The following EPS15L1 variants were observed in gnomAD, a reference collection of about 807,000 sequenced individuals.
EPS15L1 encodes epidermal growth factor receptor pathway substrate 15 like 1.
A neutral mutation model predicts 117.1 loss-of-function variants in EPS15L1; 43 were observed. The observed-to-expected ratio is 0.37, with a 90% confidence interval of 0.29 to 0.47. The LOEUF (loss-of-function observed/expected upper bound fraction) is 0.47, where lower values mean the gene tolerates loss of function less well. Ranked by LOEUF, EPS15L1 falls within the 20% of genes least tolerant of loss-of-function variation. The pLI, the probability that EPS15L1 is intolerant of heterozygous loss-of-function variation, is 0.99. For synonymous variants in EPS15L1, 459 were observed against 470.5 expected (o/e 0.98, Z 0.32); for missense variants, 981 against 1,164.0 (o/e 0.84, Z 2.29).
chr19:16,453,287 T>A (rs2093164001), intron 1 of EPS15L1, among the ~76,000 whole-genome samples: 1 of 152,154 alleles, frequency 6.6e-6, no homozygotes, highest in Admixed American at 6.5e-5. Flanking sequence ...TTATTTTTTG[T>A]AGAGACGGGG....
chr19:16,393,995 G>A lies in EPS15L1; in HGVS notation c.1922C>T (p.Pro641Leu), dbSNP rs371696682. 154 of 1,614,066 alleles carry A rather than the reference G, an allele frequency of 9.5e-5. No homozygotes were observed. In the South Asian group the frequency reaches 1.1e-3, roughly 12 times the overall value. ...FKGADPFKGD[P>L]FQNDPFAEQQ... is the part of the protein sequence containing the mutation. Reference sequence around the variant, plus strand: ...TTCTGCAAAGGGGTCATTCTGGAACGGGTCGCCTGGTTGGAAGAGGAGAGA... The same window carrying A: ...TTCTGCAAAGGGGTCATTCTGGAACAGGTCGCCTGGTTGGAAGAGGAGAGA... Residue 641 changes from proline to leucine, a missense_variant, in exon 18 of 24, where the codon CCG (proline) becomes CTG (leucine). Physicochemically the swap from Pro to Leu is moderately conservative, Grantham distance 98. Coordinates refer to ENST00000455140, the MANE Select transcript of EPS15L1 (RefSeq NM_001258374.3).
chr19:16,464,430 C>T lies in EPS15L1; in HGVS notation c.33+7483G>A, dbSNP rs183435874. Among the ~76,000 whole-genome samples the T allele has an allele frequency of 1.4e-3, 217 of 152,344 alleles. 2 individuals are homozygous for T. The highest frequency in any genetic ancestry group is 7.7e-3 in the South Asian group (37 of 4,830). On this transcript the variant is annotated intron_variant, in intron 1 of 23. Transcript: ENST00000455140. The stretch of plus-strand genomic sequence containing the variant: ...CCCCACCAGCCACTGGCCACTCTCT[C>T]GGCAAGCAGACATCCTGTCAGTTCG...
In EPS15L1 at chr19:16,395,462, A is replaced by C; in HGVS notation, c.1797T>G (p.Asp599Glu). Reference protein sequence around the residue: ...AERGSFGAMDDPFKNKALLFS... With the variant: ...AERGSFGAMDEPFKNKALLFS... ...ATAACAAGGCTTTATTTTTGAAAGG[A>C]TCATCCTACAATTTTGTGAAGAAAC... is the stretch of plus-strand genomic sequence containing the variant. Residue 599 changes from aspartate to glutamate, a missense_variant, in exon 17 of 24, where the codon GAT becomes GAG. By Grantham distance (45) the Asp-to-Glu change is conservative. Coordinates refer to ENST00000455140, the MANE Select transcript of EPS15L1 (RefSeq NM_001258374.3). The C allele has an allele frequency of 6.2e-7, 1 of 1,613,502 alleles. No homozygotes were observed. Among genetic ancestry groups the C allele is most frequent in the South Asian group, 1.1e-5 (1 of 91,044 alleles).
intron 1 of EPS15L1, among the ~76,000 whole-genome samples, chr19:16,445,108 C>T (rs1405019601): frequency 1.3e-5 from 2 of 152,094 alleles, no homozygotes; most frequent in Non-Finnish European, 2.9e-5. Context: ...GAGTTTCAGT[C>T]TTTGAGGCAT....
chr19:16,469,081 G>C (rs1438522560), intron 1 of EPS15L1, among the ~76,000 whole-genome samples: 1 of 152,138 alleles, frequency 6.6e-6, no homozygotes, highest in Non-Finnish European at 1.5e-5. Context: ...TGGGCAAGTA[G>C]GAAGTAGAAT....
chr19:16,440,151 G>A (rs907230361), intron 4 of EPS15L1, among the ~76,000 whole-genome samples: 1 of 151,858 alleles, frequency 6.6e-6, no homozygotes, highest in African/African-American at 2.4e-5. Context: ...ACACCAATGT[G>A]GCTGGGCGTG....
In EPS15L1 at chr19:16,433,273, G is replaced by A. The variant is rs185544436; in HGVS notation, c.498+1092C>T. ...CTCCCAAGTGTCTGGGATTACAGGC[G>A]AACACCACCACACCTGGCTAATTTT... On this transcript the variant is annotated intron_variant, in intron 7 of 23. Coordinates refer to ENST00000455140, the MANE Select transcript of EPS15L1 (RefSeq NM_001258374.3). Among the ~76,000 whole-genome samples the A allele has an allele frequency of 2.3e-3, 348 of 150,822 alleles. 2 individuals are homozygous for A. Among genetic ancestry groups the A allele is most frequent in the African/African-American group, 8.3e-3 (339 of 41,066 alleles).
chr19:16,417,749 T>G, intron 11 of EPS15L1, 112 bp from the exon 12 acceptor site: 1 of 1,148,452 alleles, frequency 8.7e-7, no homozygotes, highest in Non-Finnish European at 1.3e-6. Flanking sequence ...GTACACAGGG[T>G]GAGGTAGCAA....
At chr19:16,416,641 TAA>T (rs765054072) in intron 12 of EPS15L1, among the ~76,000 whole-genome samples, 42 of 128,348 alleles carry the variant, frequency 3.3e-4, no homozygotes, top group African/African-American at 3.7e-4. Flanking sequence ...TGTCTCAAAT[TAA>T]AAAAAAAAAA....
At chr19:16,375,468 G>GTA (rs2092283766) in intron 22 of EPS15L1, among the ~76,000 whole-genome samples, 1 of 11,256 alleles carries the variant, frequency 8.9e-5, no homozygotes. Context: ...ATGCATATAT[G>GTA]TGTGTGTGTG....
At chr19:16,364,516 C>T (rs1321038522) in intron 22 of EPS15L1, among the ~76,000 whole-genome samples, 2 of 152,200 alleles carry the variant, frequency 1.3e-5, no homozygotes, top group African/African-American at 2.4e-5. Context: ...TGGCCCAGCC[C>T]GCAGACCCCG....
chr19:16,450,064 A>G (rs536277315), intron 1 of EPS15L1, among the ~76,000 whole-genome samples: 43 of 151,126 alleles, frequency 2.8e-4, no homozygotes, highest in African/African-American at 1.0e-3. Context: ...GTACCTGGCT[A>G]TCAACAAGAC....
intron 13 of EPS15L1, chr19:16,413,193 A>T: frequency 1.5e-6 from 1 of 654,534 alleles, no homozygotes; most frequent in Non-Finnish European, 2.8e-6. Context: ...CCCCGTGTGC[A>T]GAGGCTACTG....
At chr19:16,372,833 C>T (rs911731609) in intron 22 of EPS15L1, among the ~76,000 whole-genome samples, 7 of 152,224 alleles carry the variant, frequency 4.6e-5, no homozygotes, top group African/African-American at 1.2e-4. Flanking sequence ...CCACCCGGGG[C>T]CTCCCTTTCC....
intron 1 of EPS15L1, among the ~76,000 whole-genome samples, chr19:16,456,756 C>T (rs961939671): frequency 6.6e-6 from 1 of 152,072 alleles, no homozygotes; most frequent in Non-Finnish European, 1.5e-5. Context: ...CACAGGGGAC[C>T]GCATGATATG....
chr19:16,385,108 G>A (rs765845007), intron 21 of EPS15L1, 21 bp downstream of exon 21: 3 of 1,604,726 alleles, frequency 1.9e-6, no homozygotes, highest in East Asian at 2.2e-5. Flanking sequence ...GAGGCGCGGG[G>A]GCTCCGTGGA....
rs575681608 is a variant in EPS15L1 at position 16,428,593 on chromosome 19, GAAAAGAA to G, written c.558+102_558+108del. ...AAAAGGAAAGGAAAAGAAAAGAAAA[GAAAAGAA>G]AAAAGAAAAGAAAAAAGAGAGAAAG... On this transcript the variant is annotated intron_variant, in intron 8 of 23. Transcript: ENST00000455140. 174 of 709,600 alleles carry G rather than the reference GAAAAGAA, an allele frequency of 2.5e-4. No individual in the cohort carries two copies. In the African/African-American group the frequency reaches 3.2e-3, roughly 13 times the overall value. The allele number at this position is 709,600 out of a possible 1,614,324, so 44.0% of individuals were successfully genotyped here. A position where few individuals can be genotyped will look rare whatever the true frequency, so the allele number is the denominator to read the frequency against.
At chr19:16,401,211 G>C (rs976842375) in intron 16 of EPS15L1, 2 of 985,460 alleles carry the variant, frequency 2.0e-6, no homozygotes, top group Non-Finnish European at 2.4e-6. Context: ...ACCCAGCGGG[G>C]GCCAGACACA....
chr19:16,421,859 G>C (rs1255737477), intron 9 of EPS15L1, among the ~76,000 whole-genome samples: 1 of 152,068 alleles, frequency 6.6e-6, no homozygotes, highest in South Asian at 2.1e-4. Flanking sequence ...GAACCGGCCC[G>C]GCCACATGCC....
Sources: gnomAD v4.1 joint callset for allele counts (sites outside exome capture counted in the v4.1 genomes callset) on GRCh38, gnomAD v4.1.1 for gene constraint, MANE v1.5 for transcripts, NCBI Gene and HGNC (gene_info 2026-07-23, HGNC 2026-07-21) for gene names.